The following RFX3 variants were observed in gnomAD, a reference collection of about 807,000 sequenced individuals.
RFX3 encodes regulatory factor X3, also known as transcription factor RFX3.
Under a neutral mutation model 98.6 loss-of-function variants are expected in RFX3, and 14 were observed. That is an observed-to-expected ratio of 0.14 (90% CI 0.09 to 0.22). The LOEUF (loss-of-function observed/expected upper bound fraction) is 0.22. Among genes scored for constraint, RFX3 ranks in the 10% least tolerant of loss-of-function variants. The pLI is 1.00. For synonymous variants in RFX3, 383 were observed against 328.4 expected, an observed-to-expected ratio of 1.17 and a Z score of -1.80; for missense variants, 639 against 926.9, an observed-to-expected ratio of 0.69 and a Z score of 4.03.
At chr9:3,511,500 T>C (rs1167307532) in intron 1 of RFX3, among the ~76,000 whole-genome samples, 2 of 152,028 alleles carry the variant, frequency 1.3e-5, no homozygotes, top group Non-Finnish European at 2.9e-5. Context: ...TTGAGTGATA[T>C]CATAAACTAT....
chr9:3,219,348 C>T lies in RFX3; in HGVS notation c.*5694G>A, dbSNP rs1465308660. 1 of 151,658 alleles carries T rather than the reference C, an allele frequency of 6.6e-6. No homozygotes were observed. Among genetic ancestry groups the T allele is most frequent in the Non-Finnish European group, 1.5e-5 (1 of 67,918 alleles). 9.4% of individuals were successfully genotyped at this position (151,658 alleles called of 1,614,324 possible). A position where few individuals can be genotyped will look rare whatever the true frequency, so the allele number is the denominator to read the frequency against. On this transcript the variant is annotated 3_prime_UTR_variant, in exon 17 of 17. Coordinates refer to ENST00000617270, the MANE Select transcript of RFX3 (RefSeq NM_001282116.2). ...TTCTTTCCTCCCCAGAATCAAAATTCTTCTAAAGAATATTTGTTGTCCTCG... is the reference window on the plus strand; with the variant it reads ...TTCTTTCCTCCCCAGAATCAAAATTTTTCTAAAGAATATTTGTTGTCCTCG...
intron 14 of RFX3, among the ~76,000 whole-genome samples, chr9:3,252,403 T>C (rs1446618724): frequency 6.7e-6 from 1 of 150,054 alleles, no homozygotes; most frequent in Non-Finnish European, 1.5e-5. Context: ...GGGCCAGAGA[T>C]TGGAGAGTGA....
At chr9:3,366,710 CTTTCTTTCTTT>C (rs1837202148) in intron 2 of RFX3, among the ~76,000 whole-genome samples, 1 of 91,940 alleles carries the variant, frequency 1.1e-5, no homozygotes, top group Admixed American at 1.2e-4. Flanking sequence ...TTCTTTCTTT[CTTTCTTTCTTT>C]CTTTCTTTCT....
chr9:3,322,369 TA>T (rs759985942), intron 4 of RFX3, among the ~76,000 whole-genome samples: 159 of 152,332 alleles, frequency 1.0e-3, no homozygotes, highest in Admixed American at 2.0e-3. Context: ...TTTTTGTTTT[TA>T]TTATAAATGA....
chr9:3,306,157 T>G (rs754854355), intron 4 of RFX3, among the ~76,000 whole-genome samples: 15 of 152,094 alleles, frequency 9.9e-5, no homozygotes, highest in Non-Finnish European at 1.5e-4. Context: ...AGTAGGCTCA[T>G]TGATCCAAAA....
intron 2 of RFX3, among the ~76,000 whole-genome samples, chr9:3,347,981 T>A (rs1014348923): frequency 3.3e-5 from 5 of 152,226 alleles, no homozygotes; most frequent in Non-Finnish European, 7.3e-5. Context: ...TCAGTCATTG[T>A]TAAAATTTCC....
intron 3 of RFX3, among the ~76,000 whole-genome samples, chr9:3,330,781 A>G (rs1832503231): frequency 6.6e-6 from 1 of 152,158 alleles, no homozygotes; most frequent in Non-Finnish European, 1.5e-5. Flanking sequence ...CAGCATATAA[A>G]TAAGCTCAGG....
intron 1 of RFX3, among the ~76,000 whole-genome samples, chr9:3,518,863 T>C (rs1818435046): frequency 6.6e-6 from 1 of 152,222 alleles, no homozygotes; most frequent in Non-Finnish European, 1.5e-5. Flanking sequence ...TATTTATTGC[T>C]GTAGGTACAC....
At chr9:3,283,311 T>C (rs1473363250) in intron 7 of RFX3, among the ~76,000 whole-genome samples, 2 of 151,890 alleles carry the variant, frequency 1.3e-5, no homozygotes, top group African/African-American at 4.8e-5. Flanking sequence ...TATCTAACAC[T>C]TTAACACTTC....
chr9:3,325,181 G>A (rs1831772391), intron 4 of RFX3, among the ~76,000 whole-genome samples: 1 of 152,074 alleles, frequency 6.6e-6, no homozygotes, highest in Admixed American at 6.5e-5. Context: ...AAAAGAATAA[G>A]AAGGTAAAAT....
intron 1 of RFX3, among the ~76,000 whole-genome samples, chr9:3,446,703 AAT>A (rs1491567592): frequency 6.6e-6 from 1 of 152,070 alleles, no homozygotes; most frequent in East Asian, 1.9e-4. Flanking sequence ...ATGCCTGATC[AAT>A]ATGTTTGATT....
rs1554704387 is a variant in RFX3, at chr9:3,423,811, A to ATC, written c.-8-28217_-8-28216dup. 5.3e-5 allele frequency among the ~76,000 whole-genome samples: 7 copies of ATC among 132,372 alleles called. No homozygotes were observed. In the East Asian group the frequency reaches 6.4e-4, roughly 12 times the overall value. The allele number at this position is 132,372 out of a possible 152,430, so 86.8% of individuals were successfully genotyped here. A position where few individuals can be genotyped will look rare whatever the true frequency, so the allele number is the denominator to read the frequency against. On this transcript the variant is annotated intron_variant, in intron 1 of 16. Coordinates refer to ENST00000617270, the MANE Select transcript of RFX3 (RefSeq NM_001282116.2). The stretch of plus-strand genomic sequence containing the variant: ...TATATATATATATATATATATATAT[A>ATC]TCTTAAGGTAATTTTTAAAAAGAAC...
chr9:3,362,256 G>C (rs1836549401), intron 2 of RFX3, among the ~76,000 whole-genome samples: 1 of 152,150 alleles, frequency 6.6e-6, no homozygotes, highest in African/African-American at 2.4e-5. Context: ...TCTAGGAATG[G>C]TAGCCCTTCC....
At chr9:3,225,836 C>T (rs1011563943) in intron 16 of RFX3, among the ~76,000 whole-genome samples, 4 of 151,952 alleles carry the variant, frequency 2.6e-5, no homozygotes, top group African/African-American at 9.7e-5. Flanking sequence ...TTAAATAAAC[C>T]CTTAATTTTT....
chr9:3,419,012 C>G (rs1427244301), intron 1 of RFX3, among the ~76,000 whole-genome samples: 5 of 152,166 alleles, frequency 3.3e-5, no homozygotes, highest in Non-Finnish European at 7.3e-5. Context: ...ATGCTCCATT[C>G]AACCAGAATT....
intron 1 of RFX3, among the ~76,000 whole-genome samples, chr9:3,524,144 C>G (rs1387381366): frequency 1.3e-5 from 2 of 152,070 alleles, no homozygotes; most frequent in African/African-American, 4.8e-5. Context: ...ATATGTGCAA[C>G]TACAATAGTA....
chr9:3,404,616 T>A (rs1841795886), intron 1 of RFX3, among the ~76,000 whole-genome samples: 1 of 152,162 alleles, frequency 6.6e-6, no homozygotes, highest in African/African-American at 2.4e-5. Flanking sequence ...GGCTATCTCA[T>A]AAATCTTTAG....
At chr9:3,304,465 T>C (rs994050325) in intron 4 of RFX3, among the ~76,000 whole-genome samples, 1 of 151,974 alleles carries the variant, frequency 6.6e-6, no homozygotes, top group Non-Finnish European at 1.5e-5. Flanking sequence ...GTCATATATA[T>C]GAATAAATGC....
At chr9:3,363,898 C>T (rs1408357160) in intron 2 of RFX3, among the ~76,000 whole-genome samples, 8 of 152,142 alleles carry the variant, frequency 5.3e-5, no homozygotes, top group Admixed American at 2.0e-4. Context: ...CTTTTTGAGA[C>T]GGAGTCTCAC....
Sources: gnomAD v4.1 joint callset for allele counts (sites outside exome capture counted in the v4.1 genomes callset) on GRCh38, gnomAD v4.1.1 for gene constraint, MANE v1.5 for transcripts, NCBI Gene and HGNC (gene_info 2026-07-23, HGNC 2026-07-21) for gene names.